The following PCDHA12 variants were observed in gnomAD, a reference collection of about 807,000 sequenced individuals.
PCDHA12 encodes the protein protocadherin alpha 12, also known as protocadherin alpha-12.
In PCDHA12, 44 loss-of-function variants were observed where a neutral mutation model predicts 60.0. The observed-to-expected ratio is 0.73, with a 90% CI of 0.58 to 0.94. The LOEUF (loss-of-function observed/expected upper bound fraction) is 0.94. Among genes scored for constraint, PCDHA12 ranks in the 40% least tolerant of loss-of-function variants. PCDHA12 has a pLI of 0.00. For synonymous variants in PCDHA12, 569 were observed against 553.0 expected, an observed-to-expected ratio of 1.03 and a Z score of -0.40; for missense variants, 1,276 against 1,239.7, an observed-to-expected ratio of 1.03 and a Z score of -0.44.
chr5:140,981,144 A>G (rs1245688386), intron 2 of PCDHA12, among the ~76,000 whole-genome samples: 1 of 152,238 alleles, frequency 6.6e-6, no homozygotes, highest in African/African-American at 2.4e-5. Flanking sequence ...GAGTGAGAAA[A>G]CATTGAACTT....
At chr5:140,929,228 A>G in intron 1 of PCDHA12, 1 of 1,613,898 alleles carries the variant, frequency 6.2e-7, no homozygotes, top group Non-Finnish European at 8.5e-7. Flanking sequence ...AATGCTGCCG[A>G]CCTGCGAAAT....
intron 3 of PCDHA12, among the ~76,000 whole-genome samples, chr5:141,005,799 T>A (rs1207641244): frequency 7.5e-6 from 1 of 133,220 alleles, no homozygotes; most frequent in African/African-American, 2.8e-5. Context: ...CAAAAACAAC[T>A]CCAAGGAGCC....
intron 1 of PCDHA12, among the ~76,000 whole-genome samples, chr5:140,904,216 ATTG>A (rs2070958692): frequency 6.6e-6 from 1 of 151,842 alleles, no homozygotes; most frequent in East Asian, 1.9e-4. Flanking sequence ...CCCAAAGTCC[ATTG>A]TATTATACTT....
chr5:140,924,909 AAT>A (rs1563069038), intron 1 of PCDHA12, among the ~76,000 whole-genome samples: 1,502 of 66,200 alleles, frequency 0.023, 33 homozygotes, highest in African/African-American at 0.07. Context: ...AAAAAAATAA[AAT>A]AAAATAAAAT....
Position 140,877,522 on chromosome 5 carries a change from G to T in PCDHA12, c.2050G>T (p.Val684Leu). ...QAPKTSSRAS[V>L]GAVDPEAALV... is the part of the protein sequence containing the mutation. ...CCCAAAGACGTCGTCGCGGGCCTCA[G>T]TGGGCGCTGTGGATCCCGAAGCGGC... is the stretch of plus-strand genomic sequence containing the variant. Residue 684 changes from valine (V) to leucine (L), a missense_variant, in exon 1 of 4, where the codon GTG (valine) becomes TTG (leucine). Transcript: ENST00000398631. The T allele has an allele frequency of 6.2e-7, 1 of 1,613,798 alleles. No homozygotes were observed. Among genetic ancestry groups the T allele is most frequent in the Non-Finnish European group, 8.5e-7 (1 of 1,179,890 alleles).
In PCDHA12 at chr5:140,917,987, A is replaced by G. The variant is rs140618239; in HGVS notation, c.2367+40148A>G. 3.9e-3 allele frequency among the ~76,000 whole-genome samples: 598 copies of G among 152,198 alleles called. 2 individuals are homozygous for G. The highest frequency in any genetic ancestry group is 5.9e-3 in the Admixed American group (90 of 15,276). ...GAATCTGTGAATTGCTTTGGACAGT[A>G]TGGTTATCTTAACAATGTTGTTTCT... On this transcript the variant is annotated intron_variant, in intron 1 of 3. Coordinates refer to ENST00000398631, the MANE Select transcript of PCDHA12 (RefSeq NM_018903.4).
Position 140,938,107 on chromosome 5 carries a change from T to C in PCDHA12, c.2368-40842T>C, listed in dbSNP as rs73266057. On this transcript the variant is annotated intron_variant, in intron 1 of 3. Coordinates refer to ENST00000398631, the MANE Select transcript of PCDHA12 (RefSeq NM_018903.4). ...TAGTTTTATTATTGTATTTTTTACT[T>C]TCTCTCTTTTTTTAAAAAAATAGAG... is the stretch of plus-strand genomic sequence containing the variant. 3.3e-3 allele frequency among the ~76,000 whole-genome samples: 502 copies of C among 152,318 alleles called. 3 individuals carry two copies. Among genetic ancestry groups the C allele is most frequent in the African/African-American group, 0.012 (483 of 41,576 alleles).
At chr5:140,896,019 C>A (rs2065310725) in intron 1 of PCDHA12, among the ~76,000 whole-genome samples, 1 of 152,144 alleles carries the variant, frequency 6.6e-6, no homozygotes, top group African/African-American at 2.4e-5. Flanking sequence ...CCATGTTGGC[C>A]AGGCTGGTCT....
intron 1 of PCDHA12, among the ~76,000 whole-genome samples, chr5:140,950,672 C>A (rs76583571): frequency 0.016 from 2,473 of 152,120 alleles, 63 homozygotes; most frequent in African/African-American, 0.055. Context: ...CAAACATGTA[C>A]ATGTATATTG....
At chr5:140,916,367 C>T (rs1400347792) in intron 1 of PCDHA12, among the ~76,000 whole-genome samples, 2 of 152,196 alleles carry the variant, frequency 1.3e-5, no homozygotes, top group Non-Finnish European at 1.5e-5. Context: ...GAGTCTTTCA[C>T]TGTAGCCACC....
In PCDHA12 at chr5:140,883,441, G is replaced by A. The variant is rs782063932; in HGVS notation, c.2367+5602G>A. 3.1e-6 allele frequency: 5 copies of A among 1,614,130 alleles called. No homozygotes were observed. In the African/African-American group the frequency reaches 4.0e-5, roughly 13 times the overall value. Reference sequence around the variant, plus strand: ...GACAGGTCACCTGCACCTTGACGCCGCATGTCCCCTTCAAGCTGGTGTCCA... The same window carrying A: ...GACAGGTCACCTGCACCTTGACGCCACATGTCCCCTTCAAGCTGGTGTCCA... On this transcript the variant is annotated intron_variant, in intron 1 of 3. Transcript: ENST00000398631.
At chr5:140,931,021 G>C (rs2153606770) in intron 1 of PCDHA12, among the ~76,000 whole-genome samples, 1 of 152,272 alleles carries the variant, frequency 6.6e-6, no homozygotes, top group Admixed American at 6.5e-5. Flanking sequence ...GGAATTTTCT[G>C]ATTGTAGAGC....
chr5:140,897,340 C>T, intron 1 of PCDHA12, among the ~76,000 whole-genome samples: 1 of 122,942 alleles, frequency 8.1e-6, no homozygotes, highest in Non-Finnish European at 1.6e-5. Context: ...CCCCTCCCCC[C>T]ACCCCACAAC....
chr5:140,899,995 A>G (rs1449060467), intron 1 of PCDHA12, among the ~76,000 whole-genome samples: 1 of 151,872 alleles, frequency 6.6e-6, no homozygotes, highest in Non-Finnish European at 1.5e-5. Context: ...TTTTTTGTAG[A>G]GATGAGGTCT....
intron 1 of PCDHA12, among the ~76,000 whole-genome samples, chr5:140,926,033 G>A (rs1554203080): frequency 6.6e-6 from 1 of 152,070 alleles, no homozygotes; most frequent in Non-Finnish European, 1.5e-5. Flanking sequence ...AGTTTGATGC[G>A]GACACTATTC....
chr5:140,933,429 G>A (rs2089147163), intron 1 of PCDHA12, among the ~76,000 whole-genome samples: 1 of 151,830 alleles, frequency 6.6e-6, no homozygotes, highest in South Asian at 2.1e-4. Flanking sequence ...GTTCATAGGG[G>A]CACTCTAATG....
At chr5:141,001,261 CTT>C (rs1437571267) in intron 3 of PCDHA12, among the ~76,000 whole-genome samples, 1 of 152,062 alleles carries the variant, frequency 6.6e-6, no homozygotes, top group East Asian at 1.9e-4. Flanking sequence ...GGCGGGCACT[CTT>C]ATGAACTTTT....
At chr5:140,892,891 C>T (rs563104545) in intron 1 of PCDHA12, among the ~76,000 whole-genome samples, 1 of 152,264 alleles carries the variant, frequency 6.6e-6, no homozygotes, top group South Asian at 2.1e-4. Context: ...ATTAACCAAC[C>T]TTTCCCCATC....
At chr5:140,969,221 C>A (rs1222433541) in intron 1 of PCDHA12, 1 of 1,614,040 alleles carries the variant, frequency 6.2e-7, no homozygotes, top group African/African-American at 1.3e-5. Context: ...AGGACCAGGG[C>A]CTTCGGGAGC....
Sources: allele counts gnomAD v4.1 joint callset (sites outside exome capture counted in the v4.1 genomes callset), GRCh38; gene constraint gnomAD v4.1.1; transcripts MANE v1.5; gene names NCBI Gene and HGNC (gene_info 2026-07-23, HGNC 2026-07-21).